Variants in DPP10 observed in about 807,000 individuals in gnomAD.
The protein encoded by DPP10 is inactive dipeptidyl peptidase 10.
A neutral mutation model predicts 120.9 loss-of-function variants in DPP10; 33 were observed. The observed-to-expected ratio is 0.27, with a 90% CI of 0.21 to 0.37. The LOEUF (loss-of-function observed/expected upper bound fraction) is 0.37. DPP10 is among the 10% of genes least tolerant of loss of function. The pLI is 1.00. For missense variants in DPP10, 816 were observed against 942.8 expected (o/e 0.87, Z 1.76); for synonymous variants, 337 against 326.1 (o/e 1.03, Z -0.36).
At chr2:115,498,760 C>G (rs1457029383) in intron 3 of DPP10, among the ~76,000 whole-genome samples, 2 of 149,822 alleles carry the variant, frequency 1.3e-5, no homozygotes, top group African/African-American at 4.9e-5. Context: ...TATATCCTGT[C>G]AGTTTTACCT....
In DPP10 at chr2:114,796,380, A is replaced by T. The variant is rs577154027; in HGVS notation, c.60+353542A>T. Among the ~76,000 whole-genome samples, 54 of 152,268 alleles carry T rather than the reference A, an allele frequency of 3.5e-4. 1 individual carries two copies. Among genetic ancestry groups the T allele is most frequent in the African/African-American group, 1.3e-3 (52 of 41,558 alleles). ...ACAATGTCAACTTATGGTATCAATA[A>T]ATACAGTACTGTACTGTAAGTCTAT... On this transcript the variant is annotated intron_variant, in intron 1 of 25. Coordinates refer to ENST00000410059, the MANE Select transcript of DPP10 (RefSeq NM_020868.6).
Position 115,529,191 on chromosome 2 carries a change from C to T in DPP10, c.441+3219C>T, listed in dbSNP as rs1426953768. On this transcript the variant is annotated intron_variant, in intron 5 of 25. Coordinates refer to ENST00000410059, the MANE Select transcript of DPP10 (RefSeq NM_020868.6). The stretch of plus-strand genomic sequence containing the variant: ...TTTTTTTTTCCGGTGGGAGGGAGGC[C>T]GAGAGTTTCACTCTTGTTGCCCAGG... 3.3e-5 allele frequency among the ~76,000 whole-genome samples: 5 copies of T among 151,588 alleles called. No individual in the cohort carries two copies. The East Asian group carries it at 9.8e-4, about 30-fold the overall frequency.
At chr2:115,044,119 G>A (rs1704877843) in intron 1 of DPP10, among the ~76,000 whole-genome samples, 2 of 151,922 alleles carry the variant, frequency 1.3e-5, no homozygotes, top group African/African-American at 4.8e-5. Flanking sequence ...CTGTGTATTA[G>A]GCCGTCCTCA....
intron 1 of DPP10, among the ~76,000 whole-genome samples, chr2:114,616,211 C>A (rs1275989839): frequency 6.6e-6 from 1 of 152,080 alleles, no homozygotes; most frequent in Non-Finnish European, 1.5e-5. Context: ...ATTGTCTTTA[C>A]CACTTGACTT....
intron 1 of DPP10, among the ~76,000 whole-genome samples, chr2:114,489,663 C>T (rs920504413): frequency 1.3e-5 from 2 of 152,062 alleles, no homozygotes; most frequent in East Asian, 3.9e-4. Context: ...TTCCCTGGAG[C>T]TTGAAAATGG....
chr2:115,267,178 A>C (rs1275117922), intron 1 of DPP10, among the ~76,000 whole-genome samples: 1 of 152,206 alleles, frequency 6.6e-6, no homozygotes, highest in Non-Finnish European at 1.5e-5. Flanking sequence ...CTTCTAGATT[A>C]TCATTTTAGA....
intron 1 of DPP10, among the ~76,000 whole-genome samples, chr2:114,786,764 G>C (rs150627666): frequency 1.2e-4 from 19 of 152,268 alleles, no homozygotes; most frequent in African/African-American, 4.6e-4. Context: ...AAGCAAATAA[G>C]CAAAACAACC....
At chr2:115,660,655 CTTTTTTTTTTT>C in intron 5 of DPP10, among the ~76,000 whole-genome samples, 1 of 25,314 alleles carries the variant, frequency 4.0e-5, no homozygotes, top group South Asian at 3.6e-3. Context: ...CTCTGTCTGG[CTTTTTTTTTTT>C]TTTTTTTTTT....
At chr2:114,559,523 C>T (rs1196387376) in intron 1 of DPP10, among the ~76,000 whole-genome samples, 1 of 152,178 alleles carries the variant, frequency 6.6e-6, no homozygotes, top group Non-Finnish European at 1.5e-5. Flanking sequence ...GCATTTTAAG[C>T]ACTAATTTTG....
intron 1 of DPP10, among the ~76,000 whole-genome samples, chr2:114,501,304 C>A (rs1683157367): frequency 6.6e-6 from 1 of 152,142 alleles, no homozygotes; most frequent in Admixed American, 6.5e-5. Context: ...AAACACCTGT[C>A]CAAGTAGCAA....
intron 1 of DPP10, among the ~76,000 whole-genome samples, chr2:114,929,028 G>T (rs558325716): frequency 2.3e-4 from 35 of 152,316 alleles, no homozygotes; most frequent in African/African-American, 6.5e-4. Context: ...ACAAAAGAGA[G>T]AAATTTTACA....
At chr2:114,688,750 G>T (rs1253745841) in intron 1 of DPP10, among the ~76,000 whole-genome samples, 1 of 152,094 alleles carries the variant, frequency 6.6e-6, no homozygotes, top group East Asian at 1.9e-4. Context: ...GAGTGTTATG[G>T]ACTAGAATAG....
chr2:115,481,695 T>C (rs1289159787), intron 3 of DPP10, among the ~76,000 whole-genome samples: 2 of 152,100 alleles, frequency 1.3e-5, no homozygotes, highest in African/African-American at 4.8e-5. Flanking sequence ...ACTGATAAAG[T>C]AATTAACTCT....
At chr2:114,532,279 A>ATG (rs1275174485) in intron 1 of DPP10, among the ~76,000 whole-genome samples, 10 of 55,326 alleles carry the variant, frequency 1.8e-4, no homozygotes, top group African/African-American at 5.4e-4. Flanking sequence ...ATATATATAT[A>ATG]TATATATATA....
chr2:114,604,860 A>G (rs1465960779), intron 1 of DPP10, among the ~76,000 whole-genome samples: 1 of 151,934 alleles, frequency 6.6e-6, no homozygotes, highest in Non-Finnish European at 1.5e-5. Flanking sequence ...TTCTTCAGTA[A>G]GCAGTTCTGT....
intron 1 of DPP10, among the ~76,000 whole-genome samples, chr2:115,235,437 C>T (rs1483685409): frequency 6.6e-6 from 1 of 152,152 alleles, no homozygotes; most frequent in East Asian, 1.9e-4. Context: ...GATGCATTTA[C>T]AACAATATAA....
At chr2:115,808,490 T>C (rs1189954349) in intron 19 of DPP10, among the ~76,000 whole-genome samples, 1 of 152,194 alleles carries the variant, frequency 6.6e-6, no homozygotes, top group African/African-American at 2.4e-5. Flanking sequence ...ATTGAACACC[T>C]ATACCAAGGA....
intron 1 of DPP10, among the ~76,000 whole-genome samples, chr2:115,246,154 T>TA (rs546135266): frequency 2.7e-4 from 40 of 149,086 alleles, no homozygotes; most frequent in South Asian, 2.3e-3. Context: ...TTTTTTGGGG[T>TA]AAAAAAAAAA....
At chr2:115,275,701 C>CTTTTTTTTTTT (rs72078308) in intron 1 of DPP10, among the ~76,000 whole-genome samples, 5 of 131,850 alleles carry the variant, frequency 3.8e-5, no homozygotes, top group Admixed American at 1.6e-4. Context: ...CTTTTCTTTT[C>CTTTTTTTTTTT]TTTTTTTTTT....
Sources: gnomAD v4.1 joint callset for allele counts (sites outside exome capture counted in the v4.1 genomes callset) on GRCh38, gnomAD v4.1.1 for gene constraint, MANE v1.5 for transcripts, NCBI Gene and HGNC (gene_info 2026-07-23, HGNC 2026-07-21) for gene names.